The following LRMDA variants were observed in gnomAD, a reference collection of about 807,000 sequenced individuals.
LRMDA encodes the protein leucine-rich melanocyte differentiation-associated protein.
Under a neutral mutation model 29.8 loss-of-function variants are expected in LRMDA, and 18 were observed. The ratio of observed to expected loss-of-function variants is 0.60; its 90% CI spans 0.42 to 0.90. The LOEUF (loss-of-function observed/expected upper bound fraction) is 0.90. LRMDA is among the 40% of genes least tolerant of loss of function. The pLI is 0.00. For missense variants in LRMDA, 273 were observed against 273.9 expected (o/e 1.00, Z 0.02); for synonymous variants, 125 against 109.4 (o/e 1.14, Z -0.89).
intron 2 of LRMDA, among the ~76,000 whole-genome samples, chr10:75,845,113 T>C (rs1197122691): frequency 6.6e-6 from 1 of 151,858 alleles, no homozygotes; most frequent in East Asian, 1.9e-4. Context: ...ATGATTTTTT[T>C]TTGTTTTTTT....
intron 5 of LRMDA, among the ~76,000 whole-genome samples, chr10:76,279,199 GT>G (rs2132331609): frequency 6.6e-6 from 1 of 152,296 alleles, no homozygotes; most frequent in South Asian, 2.1e-4. Flanking sequence ...TGAACTTAGA[GT>G]TTGACCAATT....
chr10:75,782,575 T>C (rs905465826), intron 2 of LRMDA, among the ~76,000 whole-genome samples: 3 of 152,112 alleles, frequency 2.0e-5, no homozygotes, highest in African/African-American at 7.2e-5. Flanking sequence ...CAGCCTGAGG[T>C]CGGCCAGGGT....
chr10:75,839,035 G>A (rs1433557436), intron 2 of LRMDA, among the ~76,000 whole-genome samples: 1 of 152,108 alleles, frequency 6.6e-6, no homozygotes, highest in Non-Finnish European at 1.5e-5. Context: ...TCAAAGGGAA[G>A]GGGAAAAAAT....
At chr10:75,964,538 T>A (rs1846823105) in intron 2 of LRMDA, among the ~76,000 whole-genome samples, 1 of 152,216 alleles carries the variant, frequency 6.6e-6, no homozygotes, top group South Asian at 2.1e-4. Context: ...CTTAGACTAG[T>A]AGGTTTAAGC....
chr10:76,165,127 C>CA (rs1227875506), intron 5 of LRMDA, among the ~76,000 whole-genome samples: 2 of 152,170 alleles, frequency 1.3e-5, no homozygotes, highest in African/African-American at 4.8e-5. Flanking sequence ...CACCTGCCAC[C>CA]ATGCCCACCT....
intron 6 of LRMDA, among the ~76,000 whole-genome samples, chr10:76,495,208 CTTATA>C (rs1842870441): frequency 6.7e-6 from 1 of 150,120 alleles, no homozygotes; most frequent in African/African-American, 2.4e-5. Context: ...CTTTTCATTT[CTTATA>C]TTTTGTTTTG....
chr10:75,738,609 T>G (rs1479874180), intron 2 of LRMDA, among the ~76,000 whole-genome samples: 1 of 152,214 alleles, frequency 6.6e-6, no homozygotes, highest in Non-Finnish European at 1.5e-5. Context: ...CTGATTCCTC[T>G]GTGCCCAAGA....
At chr10:76,205,136 G>A (rs1851511112) in intron 5 of LRMDA, among the ~76,000 whole-genome samples, 1 of 152,168 alleles carries the variant, frequency 6.6e-6, no homozygotes, top group Admixed American at 6.5e-5. Context: ...TTAAAAAAGA[G>A]AGGAAAAGCC....
chr10:75,582,469 G>A (rs892502451), intron 2 of LRMDA, among the ~76,000 whole-genome samples: 32 of 152,214 alleles, frequency 2.1e-4, no homozygotes, highest in Non-Finnish European at 3.7e-4. Flanking sequence ...TTTTAGCCAT[G>A]ACTGGAGCTG....
intron 2 of LRMDA, among the ~76,000 whole-genome samples, chr10:75,610,427 C>G (rs1454081729): frequency 1.3e-5 from 2 of 151,908 alleles, no homozygotes; most frequent in African/African-American, 2.4e-5. Flanking sequence ...TCCCTACACC[C>G]CACATGTACA....
chr10:75,712,855 G>T (rs1204661035), intron 2 of LRMDA, among the ~76,000 whole-genome samples: 1 of 151,258 alleles, frequency 6.6e-6, no homozygotes. Context: ...AAACTGAGCG[G>T]CTGATTATTT....
At chr10:75,890,267 T>C (rs1298043186) in intron 2 of LRMDA, among the ~76,000 whole-genome samples, 1 of 152,152 alleles carries the variant, frequency 6.6e-6, no homozygotes, top group Non-Finnish European at 1.5e-5. Context: ...TATTTAAAGA[T>C]TTAAGCCTGA....
chr10:76,537,769 AG>A (rs1336052152), intron 6 of LRMDA, among the ~76,000 whole-genome samples: 1 of 152,138 alleles, frequency 6.6e-6, no homozygotes, highest in East Asian at 1.9e-4. Flanking sequence ...ACGTATTCAC[AG>A]GTTCCAGGGA....
chr10:76,287,916 C>T (rs1840292413), intron 5 of LRMDA, among the ~76,000 whole-genome samples: 1 of 152,136 alleles, frequency 6.6e-6, no homozygotes, highest in South Asian at 2.1e-4. Context: ...AGAGAAATGA[C>T]AAAGACCCAG....
chr10:75,809,831 C>T (rs2132270271), intron 2 of LRMDA, among the ~76,000 whole-genome samples: 1 of 152,262 alleles, frequency 6.6e-6, no homozygotes, highest in South Asian at 2.1e-4. Context: ...GAAGGCTTTC[C>T]TGAGGACAGA....
At chr10:76,358,388 C>A (rs541164791) in intron 6 of LRMDA, among the ~76,000 whole-genome samples, 2 of 152,274 alleles carry the variant, frequency 1.3e-5, no homozygotes, top group African/African-American at 4.8e-5. Context: ...GTTCTTGGAG[C>A]ACCACTGGTG....
chr10:75,584,299 C>G (rs974670807), intron 2 of LRMDA, among the ~76,000 whole-genome samples: 1 of 152,164 alleles, frequency 6.6e-6, no homozygotes, highest in East Asian at 1.9e-4. Context: ...TGCTAGGAAT[C>G]GTCTCCTTAT....
rs35945223 is a variant in LRMDA at position 76,363,304 on chromosome 10, G to A, written c.601+38819G>A. 4.4e-4 allele frequency among the ~76,000 whole-genome samples: 39 copies of A among 89,026 alleles called. 3 individuals are homozygous for A. Among genetic ancestry groups the A allele is most frequent in the African/African-American group, 7.9e-4 (18 of 22,778 alleles). The allele number at this position is 89,026 out of a possible 152,430, so 58.4% of individuals were successfully genotyped here. A position where few individuals can be genotyped will look rare whatever the true frequency, so the allele number is the denominator to read the frequency against. On this transcript the variant is annotated intron_variant, in intron 6 of 6. Coordinates refer to ENST00000611255, the MANE Select transcript of LRMDA (RefSeq NM_001305581.2). The stretch of plus-strand genomic sequence containing the variant: ...GGAAGGAAGGAAGGAAGGAAGGGAG[G>A]AAGGGAGGAAGGAAAAAGAAAAGAA...
At chr10:76,101,736 C>A (rs77568373) in intron 5 of LRMDA, among the ~76,000 whole-genome samples, 1 of 149,680 alleles carries the variant, frequency 6.7e-6, no homozygotes. Flanking sequence ...GACTCTGTCT[C>A]AAAAAAAAAA....
Sources: gnomAD v4.1 joint callset for allele counts (sites outside exome capture counted in the v4.1 genomes callset) on GRCh38, gnomAD v4.1.1 for gene constraint, MANE v1.5 for transcripts, NCBI Gene and HGNC (gene_info 2026-07-23, HGNC 2026-07-21) for gene names.